The following TENM2 variants were observed in gnomAD, a reference collection of about 807,000 sequenced individuals.
The protein encoded by TENM2 is teneurin transmembrane protein 2.
Under a neutral mutation model 245.2 loss-of-function variants are expected in TENM2, and 52 were observed. The observed-to-expected ratio is 0.21, with a 90% CI of 0.17 to 0.27. TENM2 has a LOEUF of 0.27. Among genes scored for constraint, TENM2 ranks in the 10% least tolerant of loss-of-function variants. The probability of loss-of-function intolerance (pLI) is 1.00; values close to 1 mark genes in which losing one functional copy is unlikely to be tolerated. For missense variants in TENM2, 3,046 were observed against 3,666.8 expected (o/e 0.83, Z 4.37); for synonymous variants, 1,363 against 1,438.9 (o/e 0.95, Z 1.19).
the TENM2 span, among the ~76,000 whole-genome samples, chr5:167,107,560 A>C: frequency 6.6e-6 from 1 of 152,220 alleles, no homozygotes; most frequent in African/African-American, 2.4e-5. Context: ...GCTTAAAAAT[A>C]ATGTGTTGAG....
At chr5:167,847,985 A>G (rs1170882152) in intron 2 of TENM2, among the ~76,000 whole-genome samples, 1 of 152,010 alleles carries the variant, frequency 6.6e-6, no homozygotes, top group Admixed American at 6.6e-5. Context: ...ACATATTTGG[A>G]TCTTTATTAT....
chr5:167,614,094 G>T (rs1355882544), intron 2 of TENM2, among the ~76,000 whole-genome samples: 1 of 151,902 alleles, frequency 6.6e-6, no homozygotes, highest in East Asian at 1.9e-4. Flanking sequence ...CTTTTGTCTG[G>T]ATGAATAAAT....
chr5:167,579,379 A>G (rs996038966), intron 2 of TENM2, among the ~76,000 whole-genome samples: 2 of 152,148 alleles, frequency 1.3e-5, no homozygotes, highest in African/African-American at 4.8e-5. Context: ...TAACATACAC[A>G]TTTTTATATT....
In TENM2 at chr5:167,971,370, G is replaced by GAAA. The variant is rs1245939614; in HGVS notation, c.947+18550_947+18551insAAA. 7.0e-5 allele frequency among the ~76,000 whole-genome samples: 10 copies of GAAA among 142,982 alleles called. 1 individual carries two copies. In the East Asian group the frequency reaches 2.2e-3, roughly 32 times the overall value. 93.8% of individuals were successfully genotyped at this position (142,982 alleles called of 152,430 possible). ...CTGACCACTACATTAGAAAATATTA[G>GAAA]AAGGAGTCAAGGTCAACATGAATTG... On this transcript the variant is annotated intron_variant, in intron 4 of 28. Coordinates refer to ENST00000518659, the Ensembl canonical transcript of TENM2.
chr5:167,483,399 A>T (rs1424584543), intron 2 of TENM2, among the ~76,000 whole-genome samples: 2 of 152,180 alleles, frequency 1.3e-5, no homozygotes, highest in Non-Finnish European at 2.9e-5. Flanking sequence ...AGAAACGCTG[A>T]TTAAATTAGT....
intron 2 of TENM2, among the ~76,000 whole-genome samples, chr5:167,415,931 A>G (rs1763147658): frequency 6.6e-6 from 1 of 152,162 alleles, no homozygotes; most frequent in Non-Finnish European, 1.5e-5. Flanking sequence ...AGACGCAGTA[A>G]TGATATTATA....
the TENM2 span, among the ~76,000 whole-genome samples, chr5:167,095,187 T>C: frequency 6.6e-6 from 1 of 152,108 alleles, no homozygotes; most frequent in East Asian, 1.9e-4. Context: ...AGCACATACA[T>C]GAGGAGGATG....
intron 2 of TENM2, among the ~76,000 whole-genome samples, chr5:167,805,359 C>T (rs550741078): frequency 1.1e-4 from 16 of 152,224 alleles, no homozygotes; most frequent in African/African-American, 2.2e-4. Context: ...TTTATACAAT[C>T]GTCCTGAGAA....
chr5:167,374,431 T>C (rs1343188300), intron 1 of TENM2, among the ~76,000 whole-genome samples: 3 of 151,436 alleles, frequency 2.0e-5, no homozygotes, highest in Non-Finnish European at 4.4e-5. Flanking sequence ...TCCCTCTCTT[T>C]AAGCAATGCA....
chr5:167,000,251 G>T, the TENM2 span, among the ~76,000 whole-genome samples: 12 of 152,068 alleles, frequency 7.9e-5, no homozygotes, highest in Non-Finnish European at 1.3e-4. Context: ...AAATAAAACA[G>T]AAATTAGAAA....
intron 7 of TENM2, among the ~76,000 whole-genome samples, chr5:168,087,997 C>T (rs1330429473): frequency 6.6e-6 from 1 of 152,146 alleles, no homozygotes; most frequent in Non-Finnish European, 1.5e-5. Context: ...TCTTCTCTTT[C>T]CCCTGAAAAA....
At chr5:167,178,300 A>C in the TENM2 span, among the ~76,000 whole-genome samples, 3 of 152,218 alleles carry the variant, frequency 2.0e-5, no homozygotes, top group Non-Finnish European at 4.4e-5. Context: ...GTCAAGACCT[A>C]TGCCCTCAGA....
chr5:167,955,321 T>C (rs1295297946), intron 4 of TENM2, among the ~76,000 whole-genome samples: 1 of 152,002 alleles, frequency 6.6e-6, no homozygotes, highest in Non-Finnish European at 1.5e-5. Context: ...GTTGTTTGTT[T>C]TTTTCTTGTA....
At chr5:167,498,483 C>A (rs1768957631) in intron 2 of TENM2, among the ~76,000 whole-genome samples, 1 of 152,098 alleles carries the variant, frequency 6.6e-6, no homozygotes, top group Non-Finnish European at 1.5e-5. Flanking sequence ...TCAGGGATGA[C>A]CCTGCTCAAC....
chr5:167,841,569 G>A (rs1013698270), intron 2 of TENM2, among the ~76,000 whole-genome samples: 31 of 152,218 alleles, frequency 2.0e-4, no homozygotes, highest in African/African-American at 3.6e-4. Flanking sequence ...CATGCACATC[G>A]TGCCTCTTTA....
intron 3 of TENM2, among the ~76,000 whole-genome samples, chr5:167,889,690 T>C (rs1047113114): frequency 6.6e-6 from 1 of 152,138 alleles, no homozygotes; most frequent in Non-Finnish European, 1.5e-5. Flanking sequence ...TCTTTCTCTG[T>C]GGGTTCTTCT....
chr5:167,937,578 G>A (rs1015735247), intron 3 of TENM2: 1 of 152,130 alleles, frequency 6.6e-6, no homozygotes, highest in African/African-American at 2.4e-5. Flanking sequence ...TTTATCATGA[G>A]CTGCTTCTGG....
intron 3 of TENM2, among the ~76,000 whole-genome samples, chr5:167,879,803 T>C (rs1383971586): frequency 6.6e-6 from 1 of 152,122 alleles, no homozygotes; most frequent in Non-Finnish European, 1.5e-5. Context: ...AAAAGAGCTG[T>C]CCCAGTCAGA....
intron 5 of TENM2, among the ~76,000 whole-genome samples, chr5:167,993,482 C>G (rs1224652491): frequency 6.6e-6 from 1 of 152,248 alleles, no homozygotes; most frequent in East Asian, 1.9e-4. Context: ...ATCCCTCACT[C>G]TCAGAGTGGC....
Sources: gnomAD v4.1 joint callset for allele counts (sites outside exome capture counted in the v4.1 genomes callset) on GRCh38, gnomAD v4.1.1 for gene constraint, MANE v1.5 for transcripts, NCBI Gene and HGNC (gene_info 2026-07-23, HGNC 2026-07-21) for gene names.